Variants in ST6GALNAC5 observed in about 807,000 individuals in gnomAD.
The protein encoded by ST6GALNAC5 is alpha-N-acetylgalactosaminide alpha-2,6-sialyltransferase 5.
ST6GALNAC5 carries 27 observed loss-of-function variants against 33.6 expected under a neutral mutation model. The ratio of observed to expected loss-of-function variants is 0.80; its 90% CI spans 0.59 to 1.11. The LOEUF (loss-of-function observed/expected upper bound fraction) is 1.11. Among genes scored for constraint, ST6GALNAC5 ranks in the 50% least tolerant of loss-of-function variants. The pLI, the probability that ST6GALNAC5 is intolerant of heterozygous loss-of-function variation, is 0.00. For missense variants in ST6GALNAC5, 428 were observed against 454.0 expected, an observed-to-expected ratio of 0.94 and a Z score of 0.52; for synonymous variants, 194 against 171.2, an observed-to-expected ratio of 1.13 and a Z score of -1.04.
Position 76,932,266 on chromosome 1 carries a change from G to A in ST6GALNAC5, c.261+63524G>A, listed in dbSNP as rs181202229. Among the ~76,000 whole-genome samples, 470 of 152,210 alleles carry A rather than the reference G, an allele frequency of 3.1e-3. 2 individuals are homozygous for A. Among genetic ancestry groups the A allele is most frequent in the Middle Eastern group, 0.017 (5 of 294 alleles). ...AAGAGTAATTGTTAAAGTGAGGTCC[G>A]GGGGTTGAGAGGGAATATGCCGAGT... On this transcript the variant is annotated intron_variant, in intron 2 of 4. Transcript: ENST00000477717.
At chr1:77,044,935 C>A (rs1207025294) in intron 3 of ST6GALNAC5, among the ~76,000 whole-genome samples, 2 of 151,802 alleles carry the variant, frequency 1.3e-5, no homozygotes, top group East Asian at 1.9e-4. Flanking sequence ...TTGCATAAAC[C>A]CTCACCAAAA....
At chr1:76,967,218 G>A (rs772014581) in intron 2 of ST6GALNAC5, among the ~76,000 whole-genome samples, 10 of 152,062 alleles carry the variant, frequency 6.6e-5, no homozygotes, top group East Asian at 1.9e-4. Flanking sequence ...CTGTGAATCC[G>A]TGTGGTCCTG....
At chr1:77,012,772 G>A (rs1350669235) in intron 2 of ST6GALNAC5, among the ~76,000 whole-genome samples, 2 of 152,154 alleles carry the variant, frequency 1.3e-5, no homozygotes, top group African/African-American at 4.8e-5. Flanking sequence ...TTTATTGGGT[G>A]CTTTGGCTGA....
intron 2 of ST6GALNAC5, among the ~76,000 whole-genome samples, chr1:76,963,934 G>A (rs1353027411): frequency 6.6e-6 from 1 of 152,126 alleles, no homozygotes; most frequent in Non-Finnish European, 1.5e-5. Flanking sequence ...AAATCAAAAA[G>A]AGATGTGCCC....
At chr1:77,035,565 G>T (rs940182616) in intron 2 of ST6GALNAC5, among the ~76,000 whole-genome samples, 8 of 152,124 alleles carry the variant, frequency 5.3e-5, no homozygotes, top group Non-Finnish European at 1.2e-4. Flanking sequence ...TTGGCTTGGA[G>T]CCCAATAGAA....
chr1:76,915,272 G>T (rs1646958605), intron 2 of ST6GALNAC5, among the ~76,000 whole-genome samples: 1 of 151,854 alleles, frequency 6.6e-6, no homozygotes, highest in South Asian at 2.1e-4. Context: ...AACCATCGTG[G>T]AAGTCAGTGT....
intron 2 of ST6GALNAC5, among the ~76,000 whole-genome samples, chr1:76,929,638 T>C (rs1305209975): frequency 1.3e-5 from 2 of 152,148 alleles, no homozygotes; most frequent in Admixed American, 6.6e-5. Context: ...CGATAGCTGC[T>C]AGCCACATGT....
chr1:77,054,382 G>A (rs1356773649), intron 4 of ST6GALNAC5, among the ~76,000 whole-genome samples: 2 of 152,176 alleles, frequency 1.3e-5, no homozygotes, highest in African/African-American at 2.4e-5. Flanking sequence ...CCTTCCACCC[G>A]ACTTGGTCAG....
chr1:77,013,226 G>A (rs563052919), intron 2 of ST6GALNAC5, among the ~76,000 whole-genome samples: 18 of 143,602 alleles, frequency 1.3e-4, no homozygotes, highest in African/African-American at 4.8e-4. Context: ...TCCCAAGCCA[G>A]GGTCTAGGTC....
intron 2 of ST6GALNAC5, among the ~76,000 whole-genome samples, chr1:76,876,326 C>A (rs1016231438): frequency 5.9e-5 from 9 of 152,146 alleles, no homozygotes; most frequent in Non-Finnish European, 1.0e-4. Flanking sequence ...TGTTGCTGAG[C>A]CCATGTGTAA....
chr1:77,036,493 C>T (rs1651650898), intron 2 of ST6GALNAC5, among the ~76,000 whole-genome samples: 1 of 152,160 alleles, frequency 6.6e-6, no homozygotes. Flanking sequence ...AATGGGATTT[C>T]CTGCACCTCC....
chr1:76,938,181 T>G (rs1415163727), intron 2 of ST6GALNAC5, among the ~76,000 whole-genome samples: 1 of 152,046 alleles, frequency 6.6e-6, no homozygotes, highest in Non-Finnish European at 1.5e-5. Context: ...ACAGCACTAG[T>G]ACCTTTGGTA....
intron 2 of ST6GALNAC5, among the ~76,000 whole-genome samples, chr1:76,984,605 A>G (rs912321121): frequency 6.6e-6 from 1 of 152,238 alleles, no homozygotes; most frequent in Non-Finnish European, 1.5e-5. Context: ...AGCTGTTACC[A>G]TTCCTTCTGA....
chr1:76,998,014 G>A (rs1650001941), intron 2 of ST6GALNAC5, among the ~76,000 whole-genome samples: 2 of 152,088 alleles, frequency 1.3e-5, no homozygotes, highest in Non-Finnish European at 2.9e-5. Context: ...CCTTTTCTCA[G>A]CACTCATCCT....
chr1:76,915,440 A>C (rs1161104881), intron 2 of ST6GALNAC5, among the ~76,000 whole-genome samples: 2 of 152,174 alleles, frequency 1.3e-5, no homozygotes, highest in Non-Finnish European at 2.9e-5. Context: ...CTTCGAACCA[A>C]CCCAAATGTC....
At chr1:76,906,856 C>G (rs989456241) in intron 2 of ST6GALNAC5, among the ~76,000 whole-genome samples, 1 of 152,140 alleles carries the variant, frequency 6.6e-6, no homozygotes, top group African/African-American at 2.4e-5. Context: ...TAAAACTCAT[C>G]ATCTCAGCCT....
chr1:76,920,648 C>T (rs1557723512), intron 2 of ST6GALNAC5, among the ~76,000 whole-genome samples: 3 of 152,174 alleles, frequency 2.0e-5, no homozygotes, highest in Admixed American at 6.6e-5. Context: ...TAGTCACATG[C>T]TGTGTACCTG....
intron 2 of ST6GALNAC5, among the ~76,000 whole-genome samples, chr1:76,994,153 T>G (rs1369164681): frequency 6.6e-6 from 1 of 152,206 alleles, no homozygotes; most frequent in Admixed American, 6.5e-5. Context: ...TTGAATTATG[T>G]TATAAAGCCA....
intron 2 of ST6GALNAC5, among the ~76,000 whole-genome samples, chr1:76,984,669 G>T (rs766111611): frequency 1.3e-5 from 2 of 152,146 alleles, no homozygotes; most frequent in Non-Finnish European, 1.5e-5. Flanking sequence ...ATTTTATGAG[G>T]CCAACATCAT....
Sources: gnomAD v4.1 joint callset for allele counts (sites outside exome capture counted in the v4.1 genomes callset) on GRCh38, gnomAD v4.1.1 for gene constraint, MANE v1.5 for transcripts, NCBI Gene and HGNC (gene_info 2026-07-23, HGNC 2026-07-21) for gene names.